The following PLEKHH1 variants were observed in gnomAD, a reference collection of about 807,000 sequenced individuals.
PLEKHH1 encodes pleckstrin homology, MyTH4 and FERM domain containing H1, also known as pleckstrin homology domain-containing family H member 1.
Under a neutral mutation model 160.0 loss-of-function variants are expected in PLEKHH1, and 104 were observed. That is an observed-to-expected ratio of 0.65 (90% CI 0.55 to 0.76). The LOEUF (loss-of-function observed/expected upper bound fraction) is 0.76, where lower values mean the gene tolerates loss of function less well. Among genes scored for constraint, PLEKHH1 ranks in the 30% least tolerant of loss-of-function variants. PLEKHH1 has a pLI of 0.00. For synonymous variants in PLEKHH1, 619 were observed against 678.4 expected, an observed-to-expected ratio of 0.91 and a Z score of 1.36; for missense variants, 1,427 against 1,724.1, an observed-to-expected ratio of 0.83 and a Z score of 3.05.
chr14:67,586,976 C>T, intron 28 of PLEKHH1, 98 bp from the exon 29 acceptor site: 1 of 1,535,998 alleles, frequency 6.5e-7, no homozygotes, highest in Non-Finnish European at 8.8e-7. Flanking sequence ...ATTAAATAAA[C>T]TGAGGCCCAG....
At chr14:67,583,945 G>A (rs1409577567) in intron 25 of PLEKHH1, 50 bp from the exon 26 acceptor site, 2 of 1,611,978 alleles carry the variant, frequency 1.2e-6, no homozygotes, top group African/African-American at 2.7e-5. Flanking sequence ...CTGGAATGAA[G>A]ACACGTCGGC....
rs1487868261 is a variant in PLEKHH1 at position 67,573,786 on chromosome 14, A to G, written c.1840-15A>G. The G allele has an allele frequency of 6.3e-7, 1 of 1,580,524 alleles. No homozygotes were observed. The highest frequency in any genetic ancestry group is 2.2e-5 in the East Asian group (1 of 44,710). ...CCACATTCAGTGGCTCTCCTCTCCA[A>G]TACTTTCTTTACAGAGTGATGTCAT... On this transcript the variant is annotated splice_polypyrimidine_tract_variant and intron_variant, in intron 12 of 28. Transcript: ENST00000329153. This position sits in a 1 kb window ranked among gnomAD's most constrained non-coding sequence, Gnocchi z 4.8.
rs543224299 is a variant in PLEKHH1, at chr14:67,574,568, C to G, written c.2088+165C>G. Among the ~76,000 whole-genome samples the G allele has an allele frequency of 6.6e-6, 1 of 152,330 alleles. No individual in the cohort carries two copies. Among genetic ancestry groups the G allele is most frequent in the East Asian group, 1.9e-4 (1 of 5,178 alleles). On this transcript the variant is annotated intron_variant, in intron 14 of 28. Coordinates refer to ENST00000329153, the MANE Select transcript of PLEKHH1 (RefSeq NM_020715.3). This position sits in a 1 kb window ranked among gnomAD's most constrained non-coding sequence, Gnocchi z 4.2. Reference sequence around the variant, plus strand: ...AGCCCTCAAACGTGGTCTGGCCACACAAGGTGATGGCGAGTGATTCCCCGG... The same window carrying G: ...AGCCCTCAAACGTGGTCTGGCCACAGAAGGTGATGGCGAGTGATTCCCCGG...
chr14:67,585,820 G>A, intron 27 of PLEKHH1, 131 bp from the exon 28 acceptor site: 1 of 1,091,606 alleles, frequency 9.2e-7, no homozygotes. Flanking sequence ...AGATATTCAA[G>A]ATGGAGATCT....
At chr14:67,571,615 C>A (rs1035728250) in intron 9 of PLEKHH1, 137 bp from the exon 10 acceptor site, 1 of 773,870 alleles carries the variant, frequency 1.3e-6, no homozygotes, top group African/African-American at 1.7e-5. Flanking sequence ...GGACCTTACA[C>A]TGGACAGTTG....
In PLEKHH1 at chr14:67,578,517, G is replaced by T. The variant is rs372851864; in HGVS notation, c.2752-17G>T. ...GTAGGCCCAGCACTCACCCCACGCT[G>T]TCTGTGTCCCTGGCAGTGCTGGCAG... On this transcript the variant is annotated splice_polypyrimidine_tract_variant and intron_variant, in intron 19 of 28. Transcript: ENST00000329153. This position sits in a 1 kb window ranked among gnomAD's most constrained non-coding sequence, Gnocchi z 5.0. The T allele has an allele frequency of 6.3e-7, 1 of 1,578,720 alleles. No individual in the cohort carries two copies. The highest frequency in any genetic ancestry group is 8.7e-7 in the Non-Finnish European group (1 of 1,153,034).
intron 26 of PLEKHH1, 193 bp from the exon 27 acceptor site, chr14:67,585,375 A>C: frequency 1.8e-6 from 1 of 566,418 alleles, no homozygotes. Context: ...CCCAAGGCCA[A>C]GGGTCTCCTG....
chr14:67,552,595 G>T (rs144858384), intron 2 of PLEKHH1, among the ~76,000 whole-genome samples: 1 of 152,008 alleles, frequency 6.6e-6, no homozygotes, highest in Non-Finnish European at 1.5e-5. Flanking sequence ...GTGAAACCCC[G>T]TCTCTTCTAA....
intron 2 of PLEKHH1, among the ~76,000 whole-genome samples, chr14:67,542,281 T>C (rs2034000423): frequency 6.6e-6 from 1 of 152,210 alleles, no homozygotes. Context: ...AGAGGTTCTA[T>C]TATTCCCTTA....
chr14:67,570,280 A>G, intron 9 of PLEKHH1: 1 of 963,376 alleles, frequency 1.0e-6, no homozygotes, highest in Non-Finnish European at 1.2e-6. Flanking sequence ...ACCTTTTCTC[A>G]TGTCTGCCTC....
rs764055532 is a variant in PLEKHH1, at chr14:67,573,263, T to C, written c.1729-13T>C. ...ATTTCCCCTTTCTTCATCTACACCC[T>C]TCCACCCCTCAGGAGTCACTGGAGA... is the stretch of plus-strand genomic sequence containing the variant. On this transcript the variant is annotated splice_polypyrimidine_tract_variant and intron_variant, in intron 11 of 28. Transcript: ENST00000329153. This position sits in a 1 kb window ranked among gnomAD's most constrained non-coding sequence, Gnocchi z 4.8. 5.1e-6 allele frequency: 8 copies of C among 1,561,424 alleles called. No individual in the cohort carries two copies. Among genetic ancestry groups the C allele is most frequent in the Non-Finnish European group, 5.3e-6 (6 of 1,133,522 alleles).
At position 67,589,558 on chromosome 14, in the gene PLEKHH1, G is replaced by A; in HGVS notation, c.*2323G>A. 2.0e-6 allele frequency: 2 copies of A among 985,378 alleles called. No homozygotes were observed. Among genetic ancestry groups the A allele is most frequent in the Non-Finnish European group, 2.4e-6 (2 of 829,876 alleles). The allele number at this position is 985,378 out of a possible 1,614,324, so 61.0% of individuals were successfully genotyped here. On this transcript the variant is annotated 3_prime_UTR_variant, in exon 29 of 29. Transcript: ENST00000329153. Reference sequence around the variant, plus strand: ...GGTAACTGTGTGTTTTGGAAGATCTGTTTATTAACAGTAAATAAATAAGCC... The same window carrying A: ...GGTAACTGTGTGTTTTGGAAGATCTATTTATTAACAGTAAATAAATAAGCC...
At chr14:67,581,224 C>T (rs1441837575) in intron 23 of PLEKHH1, among the ~76,000 whole-genome samples, 186 bp downstream of exon 23, 1 of 152,004 alleles carries the variant, frequency 6.6e-6, no homozygotes, top group African/African-American at 2.4e-5. Flanking sequence ...CCCTGGGCAG[C>T]TCAGGCCTTC....
At chr14:67,579,647 C>A in intron 21 of PLEKHH1, 74 bp from the exon 22 acceptor site, 1 of 1,452,358 alleles carries the variant, frequency 6.9e-7, no homozygotes, top group East Asian at 2.4e-5. Flanking sequence ...CTGCTGTATC[C>A]AGACACCTCC....
At chr14:67,563,819 C>T (rs896317130) in intron 7 of PLEKHH1, among the ~76,000 whole-genome samples, 5 of 149,820 alleles carry the variant, frequency 3.3e-5, no homozygotes, top group African/African-American at 7.4e-5. Flanking sequence ...CTGCAACCTC[C>T]GCCTCCCAGG....
rs1388631734 is a variant in PLEKHH1 at position 67,585,587 on chromosome 14, A to T, written c.3719A>T (p.Lys1240Met). The change falls in exon 27 of 29, where the codon AAG becomes ATG. Residue 1240 changes from lysine (K) to methionine (M), a missense_variant. By Grantham distance (95) the Lys-to-Met change is moderately conservative. This residue lies in a region of PLEKHH1 where 56 missense variants were observed against 53.0 expected (regional missense o/e 1.06). Coordinates refer to ENST00000329153, the MANE Select transcript of PLEKHH1 (RefSeq NM_020715.3). ...CCCCAGCCTGCCCAGCTGTCTTCCAAGGAGAACGCTCTGGTGTGGATTGCT... is the reference window on the plus strand; with the variant it reads ...CCCCAGCCTGCCCAGCTGTCTTCCATGGAGAACGCTCTGGTGTGGATTGCT... ...FAAQPAQLSS[K>M]ENALVWIAVN... is the part of the protein sequence containing the mutation. 1 of 1,583,474 alleles carries T rather than the reference A, an allele frequency of 6.3e-7. No homozygotes were observed. Among genetic ancestry groups the T allele is most frequent in the Non-Finnish European group, 8.6e-7 (1 of 1,163,646 alleles).
At chr14:67,544,128 A>G (rs981641365) in intron 2 of PLEKHH1, among the ~76,000 whole-genome samples, 6 of 152,214 alleles carry the variant, frequency 3.9e-5, no homozygotes, top group Admixed American at 1.3e-4. Context: ...TAAAAATAAA[A>G]AATGGTCAGG....
rs1479267856 is a variant in PLEKHH1 at position 67,574,376 on chromosome 14, G to C, written c.2061G>C (p.Lys687Asn). The C allele has an allele frequency of 6.3e-7, 1 of 1,587,842 alleles. No individual in the cohort carries two copies. Among genetic ancestry groups the C allele is most frequent in the Admixed American group, 1.8e-5 (1 of 55,578 alleles). ...GPPALLRGGT[K>N]PTVKGWLTKV... ...CAGCTCTGCTTCGGGGTGGCACCAA[G>C]CCCACCGTGAAGGGCTGGCTGACCA... is the stretch of plus-strand genomic sequence containing the variant. The change falls in exon 14 of 29, where the codon AAG (lysine) becomes AAC (asparagine). Residue 687 changes from lysine to asparagine, a missense_variant. Physicochemically the swap from Lys to Asn is moderately conservative, Grantham distance 94 (BLOSUM62 0). Coordinates refer to ENST00000329153, the MANE Select transcript of PLEKHH1 (RefSeq NM_020715.3). The surrounding 1 kb of genome is among the most constrained non-coding windows in gnomAD (Gnocchi z 4.2).
chr14:67,587,416 C>T lies in PLEKHH1; in HGVS notation c.*181C>T. 1 of 675,968 alleles carries T rather than the reference C, an allele frequency of 1.5e-6. No individual in the cohort carries two copies. The highest frequency in any genetic ancestry group is 2.7e-5 in the East Asian group (1 of 36,714). 41.9% of individuals were successfully genotyped at this position (675,968 alleles called of 1,614,324 possible). On this transcript the variant is annotated 3_prime_UTR_variant, in exon 29 of 29. Coordinates refer to ENST00000329153, the MANE Select transcript of PLEKHH1 (RefSeq NM_020715.3). ...AGGTGCCTTATAATGTTTCAGGGCTCAACTTTTTAAAATCCAGACCCAGTG... is the reference window on the plus strand; with the variant it reads ...AGGTGCCTTATAATGTTTCAGGGCTTAACTTTTTAAAATCCAGACCCAGTG...
Sources: gnomAD v4.1 joint callset for allele counts (sites outside exome capture counted in the v4.1 genomes callset) on GRCh38, gnomAD v4.1.1 for gene constraint, gnomAD v4.1.1 regional missense constraint, Gnocchi (gnomAD v3.1) non-coding constraint, MANE v1.5 for transcripts, NCBI Gene and HGNC (gene_info 2026-07-23, HGNC 2026-07-21) for gene names.